Variants in DNAH6 observed in about 807,000 individuals in gnomAD.
DNAH6 encodes the protein axonemal beta dynein heavy chain 6.
Under a neutral mutation model 491.4 loss-of-function variants are expected in DNAH6, and 340 were observed. The observed-to-expected ratio is 0.69, with a 90% confidence interval of 0.63 to 0.76. The LOEUF is 0.76. DNAH6 is among the 30% of genes least tolerant of loss of function. DNAH6 has a pLI of 0.00. For synonymous variants in DNAH6, 1,603 were observed against 1,686.1 expected, an observed-to-expected ratio of 0.95 and a Z score of 1.21; for missense variants, 4,443 against 4,972.2, an observed-to-expected ratio of 0.89 and a Z score of 3.20.
At chr2:84,664,062 A>G (rs560629418) in intron 37 of DNAH6, among the ~76,000 whole-genome samples, 17 of 152,306 alleles carry the variant, frequency 1.1e-4, no homozygotes, top group African/African-American at 3.6e-4. Flanking sequence ...AGATTTTGTC[A>G]CCACCAGGCC....
intron 31 of DNAH6, among the ~76,000 whole-genome samples, chr2:84,638,090 C>T (rs151092788): frequency 0.028 from 4,324 of 151,960 alleles, 222 homozygotes; most frequent in African/African-American, 0.099. Context: ...ATTAGCCAGT[C>T]TCATAACCCA....
At chr2:84,529,258 T>A (rs1676924214) in intron 4 of DNAH6, 92 bp downstream of exon 4, 1 of 999,722 alleles carries the variant, frequency 1.0e-6, no homozygotes, top group African/African-American at 1.6e-5. Context: ...ATAATAACAA[T>A]ATCAAATATA....
chr2:84,658,897 A>T, intron 36 of DNAH6, 129 bp from the exon 37 acceptor site: 1 of 562,480 alleles, frequency 1.8e-6, no homozygotes, highest in Non-Finnish European at 3.0e-6. Flanking sequence ...AAGTATAAGA[A>T]ATATACACTG....
chr2:84,510,748 T>A, the DNAH6 span, among the ~76,000 whole-genome samples: 1 of 152,134 alleles, frequency 6.6e-6, no homozygotes, highest in South Asian at 2.1e-4. Flanking sequence ...ACAGATGGGG[T>A]TTTGGTGTGG....
In DNAH6 at chr2:84,672,332, C is replaced by T. The variant is rs1186264260; in HGVS notation, c.6460C>T (p.Pro2154Ser). 1.9e-6 allele frequency: 3 copies of T among 1,547,124 alleles called. No individual in the cohort carries two copies. The African/African-American group carries it at 4.1e-5, about 21-fold the overall frequency. The stretch of plus-strand genomic sequence containing the variant: ...AATTCATTTTATTTCCCTAGGAGCA[C>T]CGGGAAACAAACGAATTGTGATTTT... The part of the protein sequence containing the change: ...ERKRKNILGA[P>S]GNKRIVIFVD... Residue 2154 changes from proline (P) to serine (S), a missense_variant, in exon 40 of 77, where the codon CCG (proline) becomes TCG (serine). This residue lies in a region of DNAH6 where 2,977 missense variants were observed against 3,296.6 expected (regional missense o/e 0.90). Coordinates refer to ENST00000389394, the MANE Select transcript of DNAH6 (RefSeq NM_001370.2).
At chr2:84,611,959 TC>T in intron 22 of DNAH6, 105 bp downstream of exon 22, 1 of 997,288 alleles carries the variant, frequency 1.0e-6, no homozygotes, top group South Asian at 1.9e-5. Flanking sequence ...TAACATATGG[TC>T]CATTCAACCC....
intron 62 of DNAH6, among the ~76,000 whole-genome samples, chr2:84,741,827 T>A (rs934832147): frequency 6.6e-6 from 1 of 152,256 alleles, no homozygotes; most frequent in Non-Finnish European, 1.5e-5. Context: ...GAAATGTCTC[T>A]GTACAATCTT....
At chr2:84,519,642 CTCTT>C (rs901726226) in intron 2 of DNAH6, among the ~76,000 whole-genome samples, 15 of 150,004 alleles carry the variant, frequency 1.0e-4, no homozygotes, top group Admixed American at 4.0e-4. Flanking sequence ...CTTTCCCCTC[CTCTT>C]CCTTCTTCTT....
At chr2:84,541,664 A>T (rs533025107) in intron 4 of DNAH6, among the ~76,000 whole-genome samples, 69 of 152,368 alleles carry the variant, frequency 4.5e-4, no homozygotes, top group African/African-American at 1.6e-3. Context: ...AAGTGAGGTG[A>T]AACCTCTCCA....
chr2:84,517,066 A>C (rs1332119759), intron 1 of DNAH6, among the ~76,000 whole-genome samples: 1 of 152,160 alleles, frequency 6.6e-6, no homozygotes, highest in Non-Finnish European at 1.5e-5. Flanking sequence ...CAAAGCTCTC[A>C]TATTTCTATT....
chr2:84,774,004 A>C (rs1288567834), intron 64 of DNAH6, among the ~76,000 whole-genome samples: 1 of 151,994 alleles, frequency 6.6e-6, no homozygotes, highest in African/African-American at 2.4e-5. Context: ...ATTTTCTCCC[A>C]TTCTGTAGGT....
At chr2:84,724,428 C>T (rs980892208) in intron 60 of DNAH6, among the ~76,000 whole-genome samples, 2 of 152,194 alleles carry the variant, frequency 1.3e-5, no homozygotes, top group East Asian at 1.9e-4. Context: ...AAGCCAAATC[C>T]AGCCTGTCCC....
At chr2:84,466,485 C>CA in the DNAH6 span, among the ~76,000 whole-genome samples, 1 of 152,178 alleles carries the variant, frequency 6.6e-6, no homozygotes, top group African/African-American at 2.4e-5. Flanking sequence ...TTACTCTACT[C>CA]AATTGCTAAA....
In DNAH6 at chr2:84,577,386, C is replaced by T. The variant is rs1682561557; in HGVS notation, c.2054C>T (p.Pro685Leu). Residue 685 changes from proline (P) to leucine (L), a missense_variant, in exon 13 of 77, where the codon CCA becomes CTA. This residue lies in a region of DNAH6 where 2,977 missense variants were observed against 3,296.6 expected (regional missense o/e 0.90). Coordinates refer to ENST00000389394, the MANE Select transcript of DNAH6 (RefSeq NM_001370.2). Reference protein sequence around the residue: ...DTRLLREKLIPSPLRCLEVLN... With the variant: ...DTRLLREKLILSPLRCLEVLN... ...AGGCTTCTAAGAGAAAAATTAATTCCATCACCTTTGCGATGCTTAGAGGTA... is the reference window on the plus strand; with the variant it reads ...AGGCTTCTAAGAGAAAAATTAATTCTATCACCTTTGCGATGCTTAGAGGTA... 1 of 1,606,110 alleles carries T rather than the reference C, an allele frequency of 6.2e-7. No homozygotes were observed. The highest frequency in any genetic ancestry group is 8.5e-7 in the Non-Finnish European group (1 of 1,176,636).
chr2:84,550,119 C>T (rs545169743), intron 9 of DNAH6, 62 bp downstream of exon 9: 36 of 1,285,416 alleles, frequency 2.8e-5, no homozygotes, highest in Admixed American at 8.2e-5. Context: ...GTGCAAACTA[C>T]GCTCTATGAA....
intron 37 of DNAH6, among the ~76,000 whole-genome samples, chr2:84,665,585 C>T (rs1162977416): frequency 6.6e-6 from 1 of 152,044 alleles, no homozygotes; most frequent in African/African-American, 2.4e-5. Context: ...CAAAAACAGG[C>T]TCTGAAATTG....
At chr2:84,565,822 A>G (rs1226716237) in intron 11 of DNAH6, among the ~76,000 whole-genome samples, 1 of 151,954 alleles carries the variant, frequency 6.6e-6, no homozygotes, top group Non-Finnish European at 1.5e-5. Context: ...GTCTTGTTGA[A>G]TTGTACCCTT....
chr2:84,492,021 A>G, the DNAH6 span, among the ~76,000 whole-genome samples: 4 of 152,144 alleles, frequency 2.6e-5, no homozygotes, highest in Non-Finnish European at 4.4e-5. Flanking sequence ...GTGGAGGTCT[A>G]ACTACCAGTG....
intron 15 of DNAH6, chr2:84,584,825 A>G (rs1683375315): frequency 6.6e-6 from 1 of 152,278 alleles, no homozygotes; most frequent in South Asian, 2.1e-4. Flanking sequence ...ACAAACCTGC[A>G]CATGTATCCC....
Sources: allele counts gnomAD v4.1 joint callset (sites outside exome capture counted in the v4.1 genomes callset), GRCh38; gene constraint gnomAD v4.1.1; regional missense constraint gnomAD v4.1.1; transcripts MANE v1.5; gene names NCBI Gene and HGNC (gene_info 2026-07-23, HGNC 2026-07-21).